The following CCDC148 variants were observed in gnomAD, a reference collection of about 807,000 sequenced individuals.
CCDC148 encodes coiled-coil domain containing 148.
Under a neutral mutation model 85.7 loss-of-function variants are expected in CCDC148, and 89 were observed. That is an observed-to-expected ratio of 1.04 (90% CI 0.87 to 1.24). The LOEUF is 1.24. Ranked by LOEUF, CCDC148 falls within the 50% of genes most tolerant of loss-of-function variation. The pLI is 0.00. For missense variants in CCDC148, 692 were observed against 671.7 expected (o/e 1.03, Z -0.33); for synonymous variants, 230 against 213.9 (o/e 1.08, Z -0.66).
At chr2:158,453,029 T>G (rs1688466713) in intron 1 of CCDC148, among the ~76,000 whole-genome samples, 1 of 152,248 alleles carries the variant, frequency 6.6e-6, no homozygotes, top group South Asian at 2.1e-4. Flanking sequence ...CAACTTTTCC[T>G]AATTCTCTCC....
At chr2:158,353,308 C>G (rs1411911292) in intron 2 of CCDC148, among the ~76,000 whole-genome samples, 1 of 145,054 alleles carries the variant, frequency 6.9e-6, no homozygotes, top group African/African-American at 2.5e-5. Flanking sequence ...CAAGACCCAT[C>G]AGTGTGCTGT....
At chr2:158,177,538 T>G (rs1037538755) in intron 12 of CCDC148, among the ~76,000 whole-genome samples, 1 of 152,142 alleles carries the variant, frequency 6.6e-6, no homozygotes, top group African/African-American at 2.4e-5. Flanking sequence ...TTTCAAAGCA[T>G]TCACAGATGG....
rs941238898 is a variant in CCDC148 at position 158,240,452 on chromosome 2, T to TCTCTCTCACACACACACA, written c.1251+10319_1251+10320insTGTGTGTGTGTGAGAGAG. Among the ~76,000 whole-genome samples the TCTCTCTCACACACACACA allele has an allele frequency of 4.2e-3, 510 of 120,518 alleles. 2 individuals are homozygous for TCTCTCTCACACACACACA. The highest frequency in any genetic ancestry group is 7.4e-3 in the South Asian group (23 of 3,104). The allele number at this position is 120,518 out of a possible 152,430, so 79.1% of individuals were successfully genotyped here. ...CTCTCTCTTTCTCTCTCTCTCTCTC[T>TCTCTCTCACACACACACA]CACACACACACACACACACACACAC... On this transcript the variant is annotated intron_variant, in intron 10 of 13. Coordinates refer to ENST00000283233, the MANE Select transcript of CCDC148 (RefSeq NM_138803.4).
At chr2:158,287,153 G>C (rs1193603005) in intron 9 of CCDC148, among the ~76,000 whole-genome samples, 1 of 152,094 alleles carries the variant, frequency 6.6e-6, no homozygotes, top group Non-Finnish European at 1.5e-5. Context: ...GGAAAGACCT[G>C]CCCCATGATT....
At chr2:158,447,041 T>C (rs1688184613) in intron 1 of CCDC148, 1 of 152,244 alleles carries the variant, frequency 6.6e-6, no homozygotes, top group South Asian at 2.1e-4. Flanking sequence ...TTTGCTATTA[T>C]TAACAATATT....
At chr2:158,179,403 T>A (rs6437145) in intron 11 of CCDC148, among the ~76,000 whole-genome samples, 5 of 151,928 alleles carry the variant, frequency 3.3e-5, no homozygotes, top group African/African-American at 4.8e-5. Flanking sequence ...GTGATCCGCC[T>A]GCCTTGGCCA....
chr2:158,294,538 C>T lies in CCDC148; in HGVS notation c.1110+14895G>A, dbSNP rs193058305. Among the ~76,000 whole-genome samples, 138 of 152,062 alleles carry T rather than the reference C, an allele frequency of 9.1e-4. No individual in the cohort carries two copies. In the Middle Eastern group the frequency reaches 0.014, roughly 15 times the overall value. ...AAATAGTAAAAAGAACTGCCAAAAT[C>T]GTATAAAGAACTGCCAAGATTATGC... On this transcript the variant is annotated intron_variant, in intron 9 of 13. Coordinates refer to ENST00000283233, the MANE Select transcript of CCDC148 (RefSeq NM_138803.4).
intron 1 of CCDC148, among the ~76,000 whole-genome samples, chr2:158,406,213 G>A (rs1352443707): frequency 3.3e-5 from 5 of 152,150 alleles, no homozygotes; most frequent in African/African-American, 1.2e-4. Context: ...GCTTGCAAGA[G>A]ACCTGAATGT....
At chr2:158,231,812 G>A (rs78661155) in intron 10 of CCDC148, among the ~76,000 whole-genome samples, 2,850 of 152,146 alleles carry the variant, frequency 0.019, 34 homozygotes, top group East Asian at 0.068. Flanking sequence ...ATGGGAACCG[G>A]GCCAACAGTT....
intron 7 of CCDC148, among the ~76,000 whole-genome samples, chr2:158,319,871 G>C (rs1692446162): frequency 6.6e-6 from 1 of 151,982 alleles, no homozygotes; most frequent in Non-Finnish European, 1.5e-5. Flanking sequence ...CAACACCAAG[G>C]GCCATTTTTA....
chr2:158,348,532 T>C (rs1683106163), intron 2 of CCDC148, among the ~76,000 whole-genome samples: 1 of 152,072 alleles, frequency 6.6e-6, no homozygotes, highest in South Asian at 2.1e-4. Context: ...AATTTAACAC[T>C]ATATATTTGA....
At chr2:158,198,029 A>C (rs748165663) in intron 11 of CCDC148, among the ~76,000 whole-genome samples, 1 of 152,148 alleles carries the variant, frequency 6.6e-6, no homozygotes, top group Non-Finnish European at 1.5e-5. Context: ...TTATCTATTT[A>C]ATCTTTTCTC....
intron 9 of CCDC148, among the ~76,000 whole-genome samples, chr2:158,305,573 C>T (rs1404138379): frequency 6.6e-6 from 1 of 151,992 alleles, no homozygotes; most frequent in Non-Finnish European, 1.5e-5. Flanking sequence ...TAGCAAGACC[C>T]TGTCTCTACA....
At chr2:158,358,125 G>C (rs577925956) in intron 2 of CCDC148, among the ~76,000 whole-genome samples, 2 of 152,212 alleles carry the variant, frequency 1.3e-5, no homozygotes, top group Admixed American at 1.3e-4. Context: ...TCCATGGCTG[G>C]TAATTACTAA....
chr2:158,231,295 CTTACTT>C (rs1687846635), intron 10 of CCDC148, among the ~76,000 whole-genome samples: 1 of 152,148 alleles, frequency 6.6e-6, no homozygotes, highest in South Asian at 2.1e-4. Context: ...ACCTGTCAAA[CTTACTT>C]TATCTTTAAG....
At chr2:158,434,928 A>G (rs1029670945) in intron 1 of CCDC148, among the ~76,000 whole-genome samples, 24 of 152,220 alleles carry the variant, frequency 1.6e-4, no homozygotes, top group Non-Finnish European at 4.4e-5. Flanking sequence ...GTTTACAGAC[A>G]AAAGAGTAAA....
At chr2:158,344,067 C>T (rs1011690428) in intron 3 of CCDC148, among the ~76,000 whole-genome samples, 1 of 152,054 alleles carries the variant, frequency 6.6e-6, no homozygotes, top group Admixed American at 6.6e-5. Flanking sequence ...AAAAACTTTA[C>T]CAAGTGTCTT....
chr2:158,429,887 T>C (rs1687261360), intron 1 of CCDC148, among the ~76,000 whole-genome samples: 1 of 152,180 alleles, frequency 6.6e-6, no homozygotes, highest in African/African-American at 2.4e-5. Context: ...CTTCAGGCCA[T>C]ACAACAGGGA....
chr2:158,208,593 C>A (rs895952195), intron 11 of CCDC148, among the ~76,000 whole-genome samples: 9 of 152,120 alleles, frequency 5.9e-5, no homozygotes, highest in African/African-American at 2.2e-4. Context: ...AGCAGAGATG[C>A]CCAATGTCAT....
Sources: gnomAD v4.1 joint callset for allele counts (sites outside exome capture counted in the v4.1 genomes callset) on GRCh38, gnomAD v4.1.1 for gene constraint, MANE v1.5 for transcripts, NCBI Gene and HGNC (gene_info 2026-07-23, HGNC 2026-07-21) for gene names.